Variants in CSMD1 observed in about 807,000 individuals in gnomAD.
CSMD1 encodes the protein CUB and Sushi multiple domains 1.
A neutral mutation model predicts 417.5 loss-of-function variants in CSMD1; 213 were observed. The observed-to-expected ratio is 0.51, with a 90% CI of 0.46 to 0.57. CSMD1 has a LOEUF of 0.57. Among genes scored for constraint, CSMD1 ranks in the 20% least tolerant of loss-of-function variants. The probability of loss-of-function intolerance (pLI) is 0.00; values close to 1 mark genes in which losing one functional copy is unlikely to be tolerated. For synonymous variants in CSMD1, 2,862 were observed against 1,736.8 expected (o/e 1.65, Z -16.11); for missense variants, 6,923 against 4,529.7 (o/e 1.53, Z -15.17).
intron 3 of CSMD1, among the ~76,000 whole-genome samples, chr8:4,157,254 T>C (rs1796885363): frequency 6.6e-6 from 1 of 152,328 alleles, no homozygotes; most frequent in South Asian, 2.1e-4. Flanking sequence ...GGCCCGTTTG[T>C]CTACATCCTG....
In CSMD1 at chr8:4,665,532, G is replaced by T. The variant is rs533071516; in HGVS notation, c.86-27974C>A. On this transcript the variant is annotated intron_variant, in intron 1 of 69. Transcript: ENST00000635120. ...TGTGGTCAGCCCTCTCCCCCAGAGG[G>T]TGGCAGCTGGTTATCAGTGATATGA... 1.1e-4 allele frequency among the ~76,000 whole-genome samples: 17 copies of T among 152,258 alleles called. No individual in the cohort carries two copies. In the South Asian group the frequency reaches 3.1e-3, roughly 28 times the overall value.
chr8:3,509,797 C>T (rs879634583), intron 10 of CSMD1, among the ~76,000 whole-genome samples: 2 of 152,120 alleles, frequency 1.3e-5, no homozygotes, highest in Non-Finnish European at 2.9e-5. Context: ...CTGGAGCACA[C>T]GTCTGTCAGC....
At chr8:3,975,803 G>A (rs1422149851) in intron 5 of CSMD1, among the ~76,000 whole-genome samples, 4 of 151,956 alleles carry the variant, frequency 2.6e-5, no homozygotes, top group Non-Finnish European at 2.9e-5. Flanking sequence ...AACCCATATA[G>A]GTTTATTTTT....
chr8:4,405,591 T>A (rs1804950807), intron 3 of CSMD1, among the ~76,000 whole-genome samples: 1 of 152,194 alleles, frequency 6.6e-6, no homozygotes, highest in Non-Finnish European at 1.5e-5. Flanking sequence ...AACGTGAGTT[T>A]GTTTGTTGAC....
chr8:3,611,607 A>G (rs1450929603), intron 8 of CSMD1, among the ~76,000 whole-genome samples: 7 of 152,130 alleles, frequency 4.6e-5, no homozygotes, highest in African/African-American at 1.4e-4. Flanking sequence ...TTCATTTGTA[A>G]TTTTCTAACG....
chr8:3,510,649 T>C (rs1334369567), intron 10 of CSMD1, among the ~76,000 whole-genome samples: 2 of 151,628 alleles, frequency 1.3e-5, no homozygotes, highest in Non-Finnish European at 2.9e-5. Context: ...AAAAATCACA[T>C]TTCAGATTAT....
chr8:4,112,230 G>A lies in CSMD1; in HGVS notation c.416-80131C>T, dbSNP rs539979187. ...GTAACACCTCTTTCAGGGGTGTGAA[G>A]CTCACCTCCTGAGGTTCTTAGAAGG... On this transcript the variant is annotated intron_variant, in intron 3 of 69. Transcript: ENST00000635120. Among the ~76,000 whole-genome samples the A allele has an allele frequency of 2.0e-5, 3 of 152,214 alleles. No homozygotes were observed. In the South Asian group the frequency reaches 6.2e-4, roughly 32 times the overall value.
intron 2 of CSMD1, among the ~76,000 whole-genome samples, chr8:4,447,059 T>G (rs1365855095): frequency 6.6e-6 from 1 of 152,170 alleles, no homozygotes; most frequent in Non-Finnish European, 1.5e-5. Context: ...GTGTCAGGTC[T>G]GCGAGCCTAG....
chr8:4,065,241 G>C (rs941076344), intron 3 of CSMD1, among the ~76,000 whole-genome samples: 2 of 152,130 alleles, frequency 1.3e-5, no homozygotes, highest in African/African-American at 4.8e-5. Context: ...AACAATTACA[G>C]TGCAGTTAAC....
At chr8:4,674,175 A>C (rs1206258074) in intron 1 of CSMD1, among the ~76,000 whole-genome samples, 1 of 152,164 alleles carries the variant, frequency 6.6e-6, no homozygotes, top group Non-Finnish European at 1.5e-5. Flanking sequence ...AAATCGATCT[A>C]ATGGTCAGAC....
chr8:4,090,165 T>C (rs546526420), intron 3 of CSMD1, among the ~76,000 whole-genome samples: 1 of 152,220 alleles, frequency 6.6e-6, no homozygotes, highest in Admixed American at 6.5e-5. Flanking sequence ...CTTGATACTG[T>C]TTTGAGTGTA....
rs140120337 is a variant in CSMD1, at chr8:4,926,752, A to C, written c.85+67580T>G. On this transcript the variant is annotated intron_variant, in intron 1 of 69. Transcript: ENST00000635120. ...CAATCTATACTGTGACTTACATTTT[A>C]AATTCACCAATGCTTTCATGTCATC... Among the ~76,000 whole-genome samples, 440 of 152,246 alleles carry C rather than the reference A, an allele frequency of 2.9e-3. 5 individuals are homozygous for C. Among genetic ancestry groups the C allele is most frequent in the African/African-American group, 9.5e-3 (395 of 41,528 alleles).
chr8:3,278,963 C>G (rs563977433), intron 26 of CSMD1: 1 of 152,276 alleles, frequency 6.6e-6, no homozygotes, highest in African/African-American at 2.4e-5. Flanking sequence ...TTATAGGAAC[C>G]TTCTTTTCTA....
chr8:4,067,573 C>T (rs980977044), intron 3 of CSMD1, among the ~76,000 whole-genome samples: 5 of 151,974 alleles, frequency 3.3e-5, no homozygotes, highest in African/African-American at 4.8e-5. Context: ...TAAGTTTCAA[C>T]AACAGCATTT....
intron 12 of CSMD1, among the ~76,000 whole-genome samples, chr8:3,452,201 T>C (rs1196138747): frequency 3.9e-5 from 6 of 152,244 alleles, no homozygotes; most frequent in African/African-American, 7.2e-5. Context: ...GCTTATCAGC[T>C]TAAGGAGATT....
intron 49 of CSMD1, among the ~76,000 whole-genome samples, chr8:3,083,639 TATATATATA>T (rs1420824631): frequency 1.9e-4 from 6 of 31,850 alleles, no homozygotes; most frequent in African/African-American, 3.6e-4. Flanking sequence ...TATATATATA[TATATATATA>T]TTTTTTTTTT....
chr8:3,524,683 A>G (rs1797681233), intron 10 of CSMD1, among the ~76,000 whole-genome samples: 1 of 147,844 alleles, frequency 6.8e-6, no homozygotes, highest in South Asian at 2.2e-4. Context: ...ATGTACACAC[A>G]TGCACCAAAG....
Position 4,457,963 on chromosome 8 carries a change from T to C in CSMD1, c.303-37898A>G, listed in dbSNP as rs115006390. Among the ~76,000 whole-genome samples, 404 of 152,278 alleles carry C rather than the reference T, an allele frequency of 2.7e-3. 2 individuals are homozygous for C. Among genetic ancestry groups the C allele is most frequent in the African/African-American group, 9.3e-3 (386 of 41,562 alleles). ...GTCAACCCAGGCAGAAAAACCCAGA[T>C]GTACTTCTTTGGTTGGTGGCACTTC... On this transcript the variant is annotated intron_variant, in intron 2 of 69. Coordinates refer to ENST00000635120, the MANE Select transcript of CSMD1 (RefSeq NM_033225.6).
intron 1 of CSMD1, among the ~76,000 whole-genome samples, chr8:4,981,789 C>A (rs979366830): frequency 2.0e-5 from 3 of 152,128 alleles, no homozygotes; most frequent in Admixed American, 2.0e-4. Flanking sequence ...TCAACCAACA[C>A]AGCAAACTGA....
Sources: allele counts gnomAD v4.1 joint callset (sites outside exome capture counted in the v4.1 genomes callset), GRCh38; gene constraint gnomAD v4.1.1; transcripts MANE v1.5; gene names NCBI Gene and HGNC (gene_info 2026-07-23, HGNC 2026-07-21).